ANXA7: variants seen among roughly 807,000 people sequenced by gnomAD.
The protein encoded by ANXA7 is annexin A7, also known as annexin VII.
A neutral mutation model predicts 64.9 loss-of-function variants in ANXA7; 55 were observed. The observed-to-expected ratio is 0.85, with a 90% CI of 0.68 to 1.06. The LOEUF is 1.06. Ranked by LOEUF, ANXA7 falls within the 50% of genes least tolerant of loss-of-function variation. The pLI is 0.00. For missense variants in ANXA7, 548 were observed against 582.1 expected (o/e 0.94, Z 0.60); for synonymous variants, 200 against 192.4 (o/e 1.04, Z -0.33).
At chr10:73,394,632 G>T (rs553307450) in intron 5 of ANXA7, among the ~76,000 whole-genome samples, 8 of 152,208 alleles carry the variant, frequency 5.3e-5, no homozygotes, top group African/African-American at 9.6e-5. Context: ...ACACCGCATG[G>T]TCTCACTCAT....
In ANXA7 at chr10:73,387,714, G is replaced by A; in HGVS notation, c.608C>T (p.Ala203Val). Residue 203 changes from alanine to valine, a missense_variant, in exon 7 of 13, where the codon GCA (alanine) becomes GTA (valine). By Grantham distance (64) the Ala-to-Val change is moderately conservative. Coordinates refer to ENST00000372921, the MANE Select transcript of ANXA7 (RefSeq NM_001156.5). ...CTTGCCATAGGAGGTCTTAAATGCT[G>A]CTTTAATTTTTTGCCTCTGATCATT... is the stretch of plus-strand genomic sequence containing the variant. ...RSNDQRQKIK[A>V]AFKTSYGKDL... The A allele has an allele frequency of 6.2e-7, 1 of 1,614,012 alleles. No individual in the cohort carries two copies. The highest frequency in any genetic ancestry group is 8.5e-7 in the Non-Finnish European group (1 of 1,179,954).
In ANXA7 at chr10:73,400,870, T is replaced by TA; in HGVS notation, c.-1-14dup. On this transcript the variant is annotated splice_polypyrimidine_tract_variant and intron_variant, in intron 1 of 12. Coordinates refer to ENST00000372921, the MANE Select transcript of ANXA7 (RefSeq NM_001156.5). ...TGGGTATGACATTCTGTAACAACAA[T>TA]AAAAAATGTCCTCTGTAAGTTTTTT... 6.3e-7 allele frequency: 1 copy of TA among 1,587,092 alleles called. No individual in the cohort carries two copies. Among genetic ancestry groups the TA allele is most frequent in the Non-Finnish European group, 8.6e-7 (1 of 1,166,596 alleles).
intron 5 of ANXA7, 141 bp downstream of exon 5, chr10:73,396,378 T>C (rs1337832421): frequency 1.5e-6 from 1 of 668,562 alleles, no homozygotes; most frequent in Non-Finnish European, 2.6e-6. Flanking sequence ...AAAGAAAGTA[T>C]GGAGTCTATC....
At chr10:73,402,404 A>G (rs2055680924) in intron 1 of ANXA7, among the ~76,000 whole-genome samples, 1 of 151,030 alleles carries the variant, frequency 6.6e-6, no homozygotes, top group African/African-American at 2.4e-5. Flanking sequence ...GTTTCACCGT[A>G]TTGCCCAGGC....
intron 1 of ANXA7, among the ~76,000 whole-genome samples, chr10:73,407,158 C>T (rs1470720590): frequency 6.6e-6 from 1 of 152,112 alleles, no homozygotes; most frequent in Non-Finnish European, 1.5e-5. Flanking sequence ...GTCACTGCAG[C>T]CTCCACCTCC....
chr10:73,406,113 AC>A (rs916257967), intron 1 of ANXA7, among the ~76,000 whole-genome samples: 2 of 151,454 alleles, frequency 1.3e-5, no homozygotes. Flanking sequence ...CCACCACCAC[AC>A]CCGGCTAATT....
intron 7 of ANXA7, among the ~76,000 whole-genome samples, chr10:73,385,012 A>G (rs1247429989): frequency 6.6e-6 from 1 of 152,214 alleles, no homozygotes; most frequent in East Asian, 1.9e-4. Flanking sequence ...ACTAAGACTC[A>G]GAGATTCTGT....
At chr10:73,393,196 TAAA>T (rs1314230024) in intron 5 of ANXA7, among the ~76,000 whole-genome samples, 1 of 151,832 alleles carries the variant, frequency 6.6e-6, no homozygotes, top group African/African-American at 2.4e-5. Context: ...CTCAACGAAA[TAAA>T]AAAGGACACA....
intron 7 of ANXA7, among the ~76,000 whole-genome samples, chr10:73,387,261 T>A (rs2055389051): frequency 6.6e-6 from 1 of 151,776 alleles, no homozygotes; most frequent in Admixed American, 6.6e-5. Flanking sequence ...ACGCCTGTAA[T>A]CCCAGCACTT....
At chr10:73,388,205 C>T (rs1589651595) in intron 6 of ANXA7, 107 bp downstream of exon 6, 12 of 750,836 alleles carry the variant, frequency 1.6e-5, no homozygotes, top group Admixed American at 2.2e-5. Flanking sequence ...TCCAGGTATG[C>T]GCACCCAGGC....
chr10:73,395,205 G>T (rs2055550565), intron 5 of ANXA7, among the ~76,000 whole-genome samples: 1 of 152,104 alleles, frequency 6.6e-6, no homozygotes, highest in African/African-American at 2.4e-5. Flanking sequence ...TAGTTGTGTT[G>T]CCCTAGACAA....
At chr10:73,378,148 G>A (rs2055214968) in intron 12 of ANXA7, among the ~76,000 whole-genome samples, 1 of 151,834 alleles carries the variant, frequency 6.6e-6, no homozygotes, top group Admixed American at 6.6e-5. Flanking sequence ...GCCGAGGCAG[G>A]TGGATCACTT....
intron 6 of ANXA7, 62 bp from the exon 7 acceptor site, chr10:73,387,845 TC>T (rs373380866): frequency 1.9e-4 from 150 of 772,464 alleles, no homozygotes; most frequent in Middle Eastern, 2.9e-4. Flanking sequence ...CTTGAGGTCA[TC>T]TTTTTTTTTT....
At chr10:73,381,262 C>T (rs756689970) in intron 9 of ANXA7, among the ~76,000 whole-genome samples, 2 of 152,116 alleles carry the variant, frequency 1.3e-5, no homozygotes, top group Non-Finnish European at 2.9e-5. Flanking sequence ...AAAAATGACA[C>T]ATAAGCTTTA....
At chr10:73,390,745 C>CAT (rs202122707) in intron 5 of ANXA7, among the ~76,000 whole-genome samples, 84 of 142,792 alleles carry the variant, frequency 5.9e-4, no homozygotes, top group African/African-American at 1.7e-3. Flanking sequence ...CACACACACA[C>CAT]ATATATATAT....
chr10:73,377,773 G>GGGGTGTGTGTGTGTGTGTGTGT (rs1554815379), intron 12 of ANXA7, among the ~76,000 whole-genome samples: 8 of 124,848 alleles, frequency 6.4e-5, no homozygotes, highest in African/African-American at 1.3e-4. Context: ...GGTGGGTGTG[G>GGGGTGTGTGTGTGTGTGTGTGT]GTGTGTGTGT....
chr10:73,411,637 G>A (rs886079100), intron 1 of ANXA7, among the ~76,000 whole-genome samples: 3 of 152,010 alleles, frequency 2.0e-5, no homozygotes, highest in Non-Finnish European at 4.4e-5. Context: ...TCATCATGTT[G>A]GCCAGGCTAG....
At chr10:73,399,692 G>A (rs1024569187) in intron 2 of ANXA7, among the ~76,000 whole-genome samples, 2 of 152,018 alleles carry the variant, frequency 1.3e-5, no homozygotes, top group Non-Finnish European at 2.9e-5. Context: ...GTGGTGGCAC[G>A]TACCTGTAAT....
At chr10:73,411,813 A>C (rs1564536958) in intron 1 of ANXA7, among the ~76,000 whole-genome samples, 1 of 152,168 alleles carries the variant, frequency 6.6e-6, no homozygotes, top group Non-Finnish European at 1.5e-5. Context: ...GGTTATTAAA[A>C]ATGAGGCAGC....
Sources: allele counts gnomAD v4.1 joint callset (sites outside exome capture counted in the v4.1 genomes callset), GRCh38; gene constraint gnomAD v4.1.1; transcripts MANE v1.5; gene names NCBI Gene and HGNC (gene_info 2026-07-23, HGNC 2026-07-21).